Variants in ANKRD27 observed in about 807,000 individuals in gnomAD.
ANKRD27 encodes the protein ankyrin repeat domain-containing protein 27.
In ANKRD27, 112 loss-of-function variants were observed where a neutral mutation model predicts 129.7. The observed-to-expected ratio is 0.86, with a 90% CI of 0.74 to 1.01. ANKRD27 has a LOEUF of 1.01. Ranked by LOEUF, ANKRD27 falls within the 50% of genes least tolerant of loss-of-function variation. ANKRD27 has a pLI of 0.00. For synonymous variants in ANKRD27, 516 were observed against 511.2 expected (o/e 1.01, Z -0.13); for missense variants, 1,258 against 1,300.5 (o/e 0.97, Z 0.50).
intron 2 of ANKRD27, among the ~76,000 whole-genome samples, chr19:32,654,504 G>T (rs192911539): frequency 2.0e-5 from 3 of 152,258 alleles, no homozygotes; most frequent in Admixed American, 6.5e-5. Context: ...ATGAACATAG[G>T]TAGAGCACAA....
rs756648881 is a variant in ANKRD27, at chr19:32,619,308, G to A, written c.1959C>T (p.Ser653=). The A allele has an allele frequency of 2.2e-5, 35 of 1,613,932 alleles. 1 individual carries two copies. The South Asian group carries it at 3.5e-4, about 16-fold the overall frequency. The change falls in exon 20 of 29, where the codon TCC becomes TCT. Residue 653 remains serine (S), a synonymous_variant. Coordinates refer to ENST00000306065, the MANE Select transcript of ANKRD27 (RefSeq NM_032139.3). The part of the protein sequence containing the change: ...SQESSTSSFS[S]MSASSRQEET... ...CCTCCTGCCTTGAGCTGGCTGACAT[G>A]GAGGAGAAGCTGGAAGTGGAGGACT...
intron 12 of ANKRD27, among the ~76,000 whole-genome samples, chr19:32,631,922 G>A (rs908313151): frequency 2.6e-5 from 4 of 152,242 alleles, no homozygotes; most frequent in African/African-American, 9.6e-5. Context: ...CATTTCACAA[G>A]CTGGTCTCAA....
At chr19:32,613,898 C>T (rs550919374) in intron 22 of ANKRD27, among the ~76,000 whole-genome samples, 8 of 152,046 alleles carry the variant, frequency 5.3e-5, no homozygotes, top group East Asian at 1.9e-4. Context: ...TTAGTAGAGA[C>T]GGGGTTTCAC....
At chr19:32,624,366 C>CA (rs546163855) in intron 17 of ANKRD27, among the ~76,000 whole-genome samples, 2,957 of 72,580 alleles carry the variant, frequency 0.041, 123 homozygotes, top group East Asian at 0.28. Context: ...GACTCCGTCT[C>CA]AAAAAAAAAA....
At chr19:32,616,114 G>A (rs973510993) in intron 21 of ANKRD27, among the ~76,000 whole-genome samples, 13 of 152,134 alleles carry the variant, frequency 8.5e-5, no homozygotes, top group Admixed American at 7.9e-4. Context: ...CCAGAGAATC[G>A]CCTGAGCCCA....
chr19:32,627,905 G>A (rs781466043), intron 15 of ANKRD27, among the ~76,000 whole-genome samples, 178 bp downstream of exon 15: 9 of 152,200 alleles, frequency 5.9e-5, no homozygotes, highest in South Asian at 2.1e-4. Context: ...CAGGGTGGCC[G>A]TCGAGGCCTG....
intron 2 of ANKRD27, among the ~76,000 whole-genome samples, chr19:32,656,104 AAAG>A (rs1237549791): frequency 8.7e-6 from 1 of 115,452 alleles, no homozygotes; most frequent in African/African-American, 3.7e-5. Flanking sequence ...AGAAAGAAAG[AAAG>A]AAAAGAAAAG....
At chr19:32,599,041 A>C (rs911681680) in intron 28 of ANKRD27, among the ~76,000 whole-genome samples, 8 of 152,192 alleles carry the variant, frequency 5.3e-5, no homozygotes, top group Non-Finnish European at 1.5e-5. Flanking sequence ...GCACACTGGG[A>C]GGCCAAAGCG....
At position 32,643,619 on chromosome 19, in the gene ANKRD27, C is replaced by T. The variant is rs1489749888; in HGVS notation, c.538G>A (p.Ala180Thr). Residue 180 changes from alanine (A) to threonine (T), a missense_variant, in exon 6 of 29, where the codon GCT (alanine) becomes ACT (threonine). Ala to Thr is a moderately conservative substitution (Grantham distance 58). Coordinates refer to ENST00000306065, the MANE Select transcript of ANKRD27 (RefSeq NM_032139.3). ...TGCTGGAGGCATTTGGTGTAGAGAG[C>T]ATTCGCTGAGTCCTAAACCACATAG... ...SLRHHIDSANALYTKCLQQLL... is the reference protein window; with the variant it reads ...SLRHHIDSANTLYTKCLQQLL... 2.5e-6 allele frequency: 4 copies of T among 1,614,040 alleles called. No individual in the cohort carries two copies. The highest frequency in any genetic ancestry group is 3.3e-5 in the Admixed American group (2 of 60,002).
chr19:32,668,403 A>G (rs1296466828), intron 1 of ANKRD27, among the ~76,000 whole-genome samples: 1 of 151,784 alleles, frequency 6.6e-6, no homozygotes, highest in Non-Finnish European at 1.5e-5. Flanking sequence ...ACCTCAAGTG[A>G]GCCTCCTGCC....
intron 22 of ANKRD27, among the ~76,000 whole-genome samples, chr19:32,611,191 G>A (rs760799473): frequency 3.9e-5 from 6 of 152,130 alleles, no homozygotes; most frequent in Non-Finnish European, 8.8e-5. Flanking sequence ...TGTAATTAAA[G>A]TGGGAAAACA....
chr19:32,616,028 A>C (rs1283592640), intron 21 of ANKRD27, among the ~76,000 whole-genome samples: 1 of 152,122 alleles, frequency 6.6e-6, no homozygotes. Context: ...CCTCAGGGTG[A>C]TGGCTTTAAA....
chr19:32,626,103 C>T (rs1972086605), intron 16 of ANKRD27, 137 bp from the exon 17 acceptor site: 1 of 590,658 alleles, frequency 1.7e-6, no homozygotes. Context: ...AACCAACACC[C>T]ATCATTCCTG....
intron 1 of ANKRD27, among the ~76,000 whole-genome samples, chr19:32,674,827 C>CGCT (rs1967952057): frequency 6.6e-6 from 1 of 152,044 alleles, no homozygotes; most frequent in Non-Finnish European, 1.5e-5. Flanking sequence ...CCGCGCCGAC[C>CGCT]GCTCCCCTCC....
At chr19:32,665,289 ATTTT>A (rs11324719) in intron 1 of ANKRD27, among the ~76,000 whole-genome samples, 1 of 129,678 alleles carries the variant, frequency 7.7e-6, no homozygotes. Flanking sequence ...AAATTCATGA[ATTTT>A]TTTTTTTTTT....
intron 18 of ANKRD27, among the ~76,000 whole-genome samples, chr19:32,620,540 G>A (rs1207600312): frequency 3.3e-5 from 5 of 149,320 alleles, no homozygotes; most frequent in African/African-American, 1.2e-4. Context: ...CTGCACTCCA[G>A]CCTGGGCGAC....
intron 24 of ANKRD27, among the ~76,000 whole-genome samples, chr19:32,604,816 G>A (rs993852827): frequency 1.3e-5 from 2 of 152,170 alleles, no homozygotes. Context: ...CCAGCACTTT[G>A]GGAGGCAGAG....
At chr19:32,637,136 G>T (rs2161172) in intron 12 of ANKRD27, among the ~76,000 whole-genome samples, 107,307 of 152,048 alleles carry the variant, frequency 0.71, 38,522 homozygotes, top group African/African-American at 0.84. Context: ...CGAATGAATG[G>T]GGTGGAAATG....
chr19:32,620,719 T>A (rs1312455786), intron 18 of ANKRD27, among the ~76,000 whole-genome samples: 1 of 151,982 alleles, frequency 6.6e-6, no homozygotes, highest in Non-Finnish European at 1.5e-5. Context: ...AAACTCCACC[T>A]GTATAAAAAA....
Sources: gnomAD v4.1 joint callset for allele counts (sites outside exome capture counted in the v4.1 genomes callset) on GRCh38, gnomAD v4.1.1 for gene constraint, MANE v1.5 for transcripts, NCBI Gene and HGNC (gene_info 2026-07-23, HGNC 2026-07-21) for gene names.